The following UBE4B variants were observed in gnomAD, a reference collection of about 807,000 sequenced individuals.
UBE4B encodes ubiquitination factor E4B.
A neutral mutation model predicts 148.1 loss-of-function variants in UBE4B; 27 were observed. The ratio of observed to expected loss-of-function variants is 0.18; its 90% confidence interval spans 0.13 to 0.25. The LOEUF is 0.25. Among genes scored for constraint, UBE4B ranks in the 10% least tolerant of loss-of-function variants. The pLI, the probability that UBE4B is intolerant of heterozygous loss-of-function variation, is 1.00. For synonymous variants in UBE4B, 596 were observed against 619.3 expected (o/e 0.96, Z 0.56); for missense variants, 1,170 against 1,662.4 (o/e 0.70, Z 5.15).
chr1:10,089,373 A>G (rs1210378057), intron 2 of UBE4B, among the ~76,000 whole-genome samples: 5 of 152,258 alleles, frequency 3.3e-5, no homozygotes, highest in South Asian at 2.1e-4. Context: ...GAAATAGAAT[A>G]TGTTTATTAT....
chr1:10,150,338 T>A (rs1294697778), intron 20 of UBE4B, among the ~76,000 whole-genome samples: 1 of 152,224 alleles, frequency 6.6e-6, no homozygotes, highest in Non-Finnish European at 1.5e-5. Context: ...TCAAGTCACA[T>A]TTTAAAATTT....
chr1:10,177,110 G>A (rs925893176), intron 25 of UBE4B, among the ~76,000 whole-genome samples: 2 of 151,932 alleles, frequency 1.3e-5, no homozygotes, highest in Non-Finnish European at 2.9e-5. Context: ...ATGTATTCTG[G>A]ATGCTAGGTC....
At chr1:10,054,198 A>G (rs1421139644) in intron 1 of UBE4B, among the ~76,000 whole-genome samples, 2 of 152,164 alleles carry the variant, frequency 1.3e-5, no homozygotes, top group Non-Finnish European at 2.9e-5. Flanking sequence ...AACCAATACA[A>G]ATATTTTGTA....
intron 2 of UBE4B, among the ~76,000 whole-genome samples, chr1:10,080,525 A>G (rs1260527076): frequency 6.6e-6 from 1 of 152,184 alleles, no homozygotes; most frequent in South Asian, 2.1e-4. Flanking sequence ...AAAACTAAAA[A>G]CAGAGCTACC....
chr1:10,077,140 T>G (rs1407306241), intron 2 of UBE4B, among the ~76,000 whole-genome samples: 2 of 152,184 alleles, frequency 1.3e-5, no homozygotes, highest in Non-Finnish European at 2.9e-5. Flanking sequence ...AGCAGCAGTA[T>G]TATTTTCTCA....
At position 10,130,705 on chromosome 1, in the gene UBE4B, C is replaced by T; in HGVS notation, c.1813-10C>T. On this transcript the variant is annotated splice_polypyrimidine_tract_variant and intron_variant, in intron 13 of 27. Coordinates refer to ENST00000343090, the MANE Select transcript of UBE4B (RefSeq NM_001105562.3). ...TATATGTTGACTGCATTTTTTCCTTCTCTTTCCAGGTTAAAGTGGTTGAAA... is the reference window on the plus strand; with the variant it reads ...TATATGTTGACTGCATTTTTTCCTTTTCTTTCCAGGTTAAAGTGGTTGAAA... 1 of 1,613,692 alleles carries T rather than the reference C, an allele frequency of 6.2e-7. No homozygotes were observed. The highest frequency in any genetic ancestry group is 1.1e-5 in the South Asian group (1 of 91,016).
chr1:10,078,570 C>T (rs563889388), intron 2 of UBE4B, among the ~76,000 whole-genome samples: 7 of 152,134 alleles, frequency 4.6e-5, no homozygotes, highest in Admixed American at 2.6e-4. Flanking sequence ...TTAACTGTCT[C>T]GGGTTATTTT....
intron 2 of UBE4B, among the ~76,000 whole-genome samples, chr1:10,086,835 A>C (rs1056925620): frequency 6.6e-6 from 1 of 152,034 alleles, no homozygotes; most frequent in Non-Finnish European, 1.5e-5. Context: ...GACTATAGGC[A>C]TGTGCCACCA....
rs1222444206 is a variant in UBE4B, at chr1:10,145,200, C to T, written c.2463+161C>T. On this transcript the variant is annotated intron_variant, in intron 18 of 27. Coordinates refer to ENST00000343090, the MANE Select transcript of UBE4B (RefSeq NM_001105562.3). ...TATTTTAAAACTTGTTGATACCTTA[C>T]TTATATGTGTATATAATGATTTCAG... 9 of 528,316 alleles carry T rather than the reference C, an allele frequency of 1.7e-5. No individual in the cohort carries two copies. The South Asian group carries it at 2.6e-4, about 15-fold the overall frequency. The allele number at this position is 528,316 out of a possible 1,614,324, so 32.7% of individuals were successfully genotyped here.
chr1:10,162,902 C>CT (rs1403470144), intron 23 of UBE4B, among the ~76,000 whole-genome samples: 1 of 152,146 alleles, frequency 6.6e-6, no homozygotes, highest in Non-Finnish European at 1.5e-5. Context: ...TACCCATTCT[C>CT]TGAGTAAGGT....
At chr1:10,164,115 C>T (rs1413454555) in intron 23 of UBE4B, among the ~76,000 whole-genome samples, 1 of 151,954 alleles carries the variant, frequency 6.6e-6, no homozygotes, top group Non-Finnish European at 1.5e-5. Context: ...CCGAGGCCGG[C>T]AGATCACCTG....
intron 15 of UBE4B, among the ~76,000 whole-genome samples, chr1:10,133,751 A>G (rs866318451): frequency 3.3e-5 from 5 of 152,154 alleles, no homozygotes; most frequent in Middle Eastern, 3.4e-3. Context: ...TCTCTACAAA[A>G]TATACAAAAG....
rs1643354177 is a variant in UBE4B at position 10,032,995 on chromosome 1, A to G, written c.-676A>G. The G allele has an allele frequency of 6.6e-6, 1 of 152,204 alleles. No individual in the cohort carries two copies. Among genetic ancestry groups the G allele is most frequent in the Non-Finnish European group, 1.5e-5 (1 of 68,040 alleles). 9.4% of individuals were successfully genotyped at this position (152,204 alleles called of 1,614,324 possible). ...TGGCCGCCCTGTTGTTTTGATGAAT[A>G]ATACTTGGTGGGGCGAGGGGGAAAG... On this transcript the variant is annotated 5_prime_UTR_variant, in exon 1 of 28. It adds an upstream start codon to the 5' untranslated region. Coordinates refer to ENST00000343090, the MANE Select transcript of UBE4B (RefSeq NM_001105562.3).
At chr1:10,037,994 G>C (rs1472531084) in intron 1 of UBE4B, among the ~76,000 whole-genome samples, 1 of 152,016 alleles carries the variant, frequency 6.6e-6, no homozygotes, top group African/African-American at 2.4e-5. Flanking sequence ...ATTTTAGAAA[G>C]TGTTGGCCGG....
In UBE4B at chr1:10,123,317, G is replaced by A. The variant is rs1446330791; in HGVS notation, c.1554+1241G>A. ...GTGGTGACGGGTGTCTGTAATCCCA[G>A]CTACTTGGGAGGCTGAGGTAGGAGA... On this transcript the variant is annotated intron_variant, in intron 10 of 27. Transcript: ENST00000343090. Among the ~76,000 whole-genome samples the A allele has an allele frequency of 2.6e-5, 4 of 151,000 alleles. No individual in the cohort carries two copies. The South Asian group carries it at 6.3e-4, about 24-fold the overall frequency.
At chr1:10,142,341 C>T (rs564389182) in intron 17 of UBE4B, among the ~76,000 whole-genome samples, 1 of 152,146 alleles carries the variant, frequency 6.6e-6, no homozygotes, top group Non-Finnish European at 1.5e-5. Context: ...CAACTTTAGT[C>T]ACTTAAAACA....
chr1:10,038,878 C>G (rs996006386), intron 1 of UBE4B, among the ~76,000 whole-genome samples: 7 of 151,922 alleles, frequency 4.6e-5, no homozygotes, highest in African/African-American at 1.7e-4. Flanking sequence ...AGGCGGATCA[C>G]GTGAAACCCC....
At chr1:10,117,158 G>A (rs1344382612) in intron 7 of UBE4B, among the ~76,000 whole-genome samples, 3 of 152,154 alleles carry the variant, frequency 2.0e-5, no homozygotes, top group Non-Finnish European at 4.4e-5. Context: ...TTTGGTTAAA[G>A]TACCTGTGAT....
intron 2 of UBE4B, among the ~76,000 whole-genome samples, chr1:10,073,920 A>ATTTTTTTTTT (rs947131085): frequency 2.7e-5 from 2 of 74,852 alleles, no homozygotes; most frequent in Non-Finnish European, 5.0e-5. Context: ...CTTTCTTTCT[A>ATTTTTTTTTT]TTTTTTTTTT....
Sources: allele counts gnomAD v4.1 joint callset (sites outside exome capture counted in the v4.1 genomes callset), GRCh38; gene constraint gnomAD v4.1.1; transcripts MANE v1.5; gene names NCBI Gene and HGNC (gene_info 2026-07-23, HGNC 2026-07-21).